RUVBL1: variants seen among roughly 807,000 people sequenced by gnomAD.
RUVBL1 encodes ruvB-like 1.
A neutral mutation model predicts 52.4 loss-of-function variants in RUVBL1; 4 were observed. The ratio of observed to expected loss-of-function variants is 0.08; its 90% CI spans 0.04 to 0.17. The LOEUF is 0.17. Among genes scored for constraint, RUVBL1 ranks in the 10% least tolerant of loss-of-function variants. RUVBL1 has a pLI of 1.00. For missense variants in RUVBL1, 298 were observed against 572.8 expected, an observed-to-expected ratio of 0.52 and a Z score of 4.90; for synonymous variants, 217 against 214.4, an observed-to-expected ratio of 1.01 and a Z score of -0.10.
At chr3:128,115,891 C>T (rs1270286305) in intron 2 of RUVBL1, among the ~76,000 whole-genome samples, 4 of 151,924 alleles carry the variant, frequency 2.6e-5, no homozygotes, top group East Asian at 1.9e-4. Flanking sequence ...TTTGGGAGGC[C>T]GAGGCAGGTG....
At chr3:128,078,996 G>A (rs978596857), downstream of RUVBL1, 5 of 152,246 alleles carry the variant, frequency 3.3e-5, no homozygotes, top group South Asian at 4.1e-4. Flanking sequence ...AGGGGTCTGT[G>A]GCCTAGGAAG....
chr3:128,141,285 C>G (rs562193276), intron 1 of RUVBL1, among the ~76,000 whole-genome samples: 1 of 152,270 alleles, frequency 6.6e-6, no homozygotes, highest in African/African-American at 2.4e-5. Context: ...GCCTGGTAAG[C>G]CTTACCTCAC....
intron 8 of RUVBL1, among the ~76,000 whole-genome samples, chr3:128,090,388 G>A (rs542481098): frequency 9.5e-4 from 144 of 152,196 alleles, no homozygotes; most frequent in Non-Finnish European, 1.2e-3. Flanking sequence ...GCGTGGTGGC[G>A]GGCGCCTGTA....
intron 8 of RUVBL1, among the ~76,000 whole-genome samples, chr3:128,093,480 T>C (rs1942898406): frequency 6.6e-6 from 1 of 151,746 alleles, no homozygotes; most frequent in Non-Finnish European, 1.5e-5. Flanking sequence ...ATGAATTATG[T>C]CTCCATAAAG....
chr3:128,141,653 C>T (rs1422550052), intron 1 of RUVBL1, among the ~76,000 whole-genome samples: 1 of 152,186 alleles, frequency 6.6e-6, no homozygotes, highest in South Asian at 2.1e-4. Context: ...CCCACTACAA[C>T]ACCCAGCTAA....
chr3:128,098,800 T>A, intron 7 of RUVBL1, 82 bp downstream of exon 7: 1 of 1,154,364 alleles, frequency 8.7e-7, no homozygotes. Flanking sequence ...AGGGCGACTG[T>A]GCTCACAGAG....
At chr3:128,103,101 A>G (rs1943141313) in intron 4 of RUVBL1, among the ~76,000 whole-genome samples, 1 of 152,238 alleles carries the variant, frequency 6.6e-6, no homozygotes, top group Non-Finnish European at 1.5e-5. Context: ...TCTTGTACAT[A>G]TTCTAAAAAT....
intron 9 of RUVBL1, among the ~76,000 whole-genome samples, chr3:128,065,806 G>C (rs537064339): frequency 7.6e-6 from 1 of 130,964 alleles, no homozygotes; most frequent in Non-Finnish European, 1.5e-5. Flanking sequence ...GCGCGATCTC[G>C]ACTCGACTCA....
At chr3:128,087,845 C>A in intron 8 of RUVBL1, 37 bp from the exon 9 acceptor site, 1 of 1,416,090 alleles carries the variant, frequency 7.1e-7, no homozygotes, top group Non-Finnish European at 1.0e-6. Flanking sequence ...ACCTAAGCCT[C>A]TGTTAGACAA....
At chr3:128,111,928 T>G (rs1943404827) in intron 3 of RUVBL1, among the ~76,000 whole-genome samples, 1 of 152,180 alleles carries the variant, frequency 6.6e-6, no homozygotes. Context: ...AGAAACATAC[T>G]CGCACATGTG....
chr3:128,153,418 A>C, exon 1 of RUVBL1: 1 of 1,417,050 alleles, frequency 7.1e-7, no homozygotes, highest in Admixed American at 3.2e-5. Context: ...CGCGCCGGTT[A>C]CGGGGGGGCA....
downstream of RUVBL1, chr3:128,078,782 T>C (rs1942397216): frequency 6.6e-6 from 1 of 152,248 alleles, no homozygotes; most frequent in Non-Finnish European, 1.5e-5. Context: ...CTTCTCATAG[T>C]TGGTGAGGGA....
chr3:128,071,739 G>A (rs1218077196), intron 9 of RUVBL1: 2 of 152,694 alleles, frequency 1.3e-5, no homozygotes, highest in Admixed American at 1.3e-4. Context: ...AGGCCAGTGA[G>A]GCGCAAAGCT....
chr3:128,101,293 CCT>C (rs1297959326), intron 5 of RUVBL1, among the ~76,000 whole-genome samples: 1 of 152,134 alleles, frequency 6.6e-6, no homozygotes, highest in African/African-American at 2.4e-5. Flanking sequence ...GGTTTCTCAC[CCT>C]GTCCTCCCCC....
rs1042774928 is a variant in RUVBL1 at position 128,067,242 on chromosome 3, A to G, written c.940-2022T>C. On this transcript the variant is annotated intron_variant, in intron 9 of 9. Transcript: ENST00000464873. The surrounding 1 kb of genome is among the most constrained non-coding windows in gnomAD (Gnocchi z 4.1). ...TGCTCATGAACAGATATTTCATCCA[A>G]AGATATTTTCCATTGTGCCTTTTAC... The G allele has an allele frequency of 2.9e-6, 4 of 1,382,982 alleles. No homozygotes were observed. The South Asian group carries it at 3.7e-5, about 13-fold the overall frequency. The allele number at this position is 1,382,982 out of a possible 1,614,324, so 85.7% of individuals were successfully genotyped here.
chr3:128,103,713 C>A (rs1371896488), intron 4 of RUVBL1, among the ~76,000 whole-genome samples: 1 of 152,104 alleles, frequency 6.6e-6, no homozygotes, highest in Non-Finnish European at 1.5e-5. Flanking sequence ...GCTGGATGAT[C>A]CCAGGATAAC....
At chr3:128,069,732 C>A in intron 9 of RUVBL1, 1 of 1,296,118 alleles carries the variant, frequency 7.7e-7, no homozygotes, top group Non-Finnish European at 1.1e-6. Context: ...CATCATGGCG[C>A]GTGCTGCTGC....
intron 1 of RUVBL1, among the ~76,000 whole-genome samples, chr3:128,146,608 CGCT>C (rs1944107933): frequency 2.0e-5 from 3 of 147,996 alleles, no homozygotes; most frequent in Admixed American, 2.0e-4. Context: ...ATTTGCCTGC[CGCT>C]GTGTGCACGT....
intron 1 of RUVBL1, among the ~76,000 whole-genome samples, chr3:128,153,011 C>A (rs1576498684): frequency 2.5e-5 from 2 of 81,376 alleles, no homozygotes; most frequent in South Asian, 1.1e-3. Context: ...CGCCCCCCTT[C>A]GCCCCCCCAT....
Sources: allele counts gnomAD v4.1 joint callset (sites outside exome capture counted in the v4.1 genomes callset), GRCh38; gene constraint gnomAD v4.1.1; non-coding constraint Gnocchi (gnomAD v3.1); transcripts MANE v1.5; gene names NCBI Gene and HGNC (gene_info 2026-07-23, HGNC 2026-07-21).